Variants in GLG1 observed in about 807,000 individuals in gnomAD.
The protein encoded by GLG1 is golgi glycoprotein 1.
Under a neutral mutation model 160.5 loss-of-function variants are expected in GLG1, and 38 were observed. The observed-to-expected ratio is 0.24, with a 90% confidence interval of 0.18 to 0.31. GLG1 has a LOEUF of 0.31. Ranked by LOEUF, GLG1 falls within the 10% of genes least tolerant of loss-of-function variation. The pLI, the probability that GLG1 is intolerant of heterozygous loss-of-function variation, is 1.00. For synonymous variants in GLG1, 644 were observed against 543.4 expected (o/e 1.19, Z -2.57); for missense variants, 1,373 against 1,505.2 (o/e 0.91, Z 1.45).
rs539256669 is a variant in GLG1 at position 74,557,169 on chromosome 16, G to C, written c.439-25016C>G. The stretch of plus-strand genomic sequence containing the variant: ...GTATAAAGAGCTAAGTAAACTAGAA[G>C]AAACCCAGGACCTTTGATAAAACAG... On this transcript the variant is annotated intron_variant, in intron 1 of 25. Coordinates refer to ENST00000422840, the MANE Select transcript of GLG1 (RefSeq NM_001145667.2). Among the ~76,000 whole-genome samples the C allele has an allele frequency of 2.4e-4, 37 of 152,292 alleles. No individual in the cohort carries two copies. The South Asian group carries it at 5.6e-3, about 23-fold the overall frequency.
intron 1 of GLG1, among the ~76,000 whole-genome samples, chr16:74,593,177 T>G (rs1286204886): frequency 1.3e-5 from 2 of 152,038 alleles, no homozygotes; most frequent in African/African-American, 2.4e-5. Context: ...TATTACCCAG[T>G]CTTGGGTATT....
chr16:74,532,961 A>G (rs932151304), intron 1 of GLG1, among the ~76,000 whole-genome samples: 2 of 152,208 alleles, frequency 1.3e-5, no homozygotes, highest in African/African-American at 4.8e-5. Flanking sequence ...TTTAAAAAAA[A>G]CATTTGGAAA....
intron 1 of GLG1, among the ~76,000 whole-genome samples, chr16:74,544,251 C>T (rs919303151): frequency 1.3e-5 from 2 of 152,208 alleles, no homozygotes; most frequent in Non-Finnish European, 2.9e-5. Flanking sequence ...GATCTGGGAA[C>T]AAATTTGGGC....
chr16:74,571,389 T>C (rs2018822582), intron 1 of GLG1, among the ~76,000 whole-genome samples: 1 of 152,164 alleles, frequency 6.6e-6, no homozygotes, highest in African/African-American at 2.4e-5. Flanking sequence ...GTCATTAAGT[T>C]TGGGACCGGG....
chr16:74,589,758 A>T (rs1467142543), intron 1 of GLG1, among the ~76,000 whole-genome samples: 1 of 152,150 alleles, frequency 6.6e-6, no homozygotes, highest in Non-Finnish European at 1.5e-5. Context: ...TCTCAAGTTG[A>T]AAAGGAAAGT....
chr16:74,487,304 T>A (rs992005403), intron 8 of GLG1, among the ~76,000 whole-genome samples: 1 of 152,050 alleles, frequency 6.6e-6, no homozygotes, highest in Admixed American at 6.6e-5. Context: ...GGAACCCTGT[T>A]GTGTCACTGA....
At chr16:74,459,857 T>G in intron 22 of GLG1, 68 bp from the exon 23 acceptor site, 1 of 807,086 alleles carries the variant, frequency 1.2e-6, no homozygotes, top group African/African-American at 1.8e-5. Context: ...GTTTCTTCTT[T>G]TTTTTTTTTA....
At chr16:74,579,620 G>A (rs954527037) in intron 1 of GLG1, among the ~76,000 whole-genome samples, 1 of 151,970 alleles carries the variant, frequency 6.6e-6, no homozygotes, top group Non-Finnish European at 1.5e-5. Flanking sequence ...TACTAGGGAG[G>A]CTGAGGCAGG....
intron 1 of GLG1, among the ~76,000 whole-genome samples, chr16:74,604,379 A>G (rs1224018061): frequency 2.0e-5 from 3 of 152,224 alleles, no homozygotes; most frequent in African/African-American, 7.2e-5. Flanking sequence ...ATATGGAAAT[A>G]CGACACCATT....
intron 7 of GLG1, among the ~76,000 whole-genome samples, chr16:74,491,456 A>T (rs540469718): frequency 6.6e-6 from 1 of 152,264 alleles, no homozygotes; most frequent in Admixed American, 6.5e-5. Context: ...TACTGCACTA[A>T]TAATGCAAAT....
intron 1 of GLG1, among the ~76,000 whole-genome samples, chr16:74,574,910 A>AAAAAAAAAAAAAAAC (rs2018947041): frequency 8.0e-6 from 1 of 124,872 alleles, no homozygotes; most frequent in Non-Finnish European, 1.7e-5. Context: ...AAAAAAAAAA[A>AAAAAAAAAAAAAAAC]AAAGACAGAG....
At position 74,453,259 on chromosome 16, in the gene GLG1, C is replaced by A; in HGVS notation, c.3448G>T (p.Val1150Leu). 2 of 1,613,700 alleles carry A rather than the reference C, an allele frequency of 1.2e-6. No homozygotes were observed. The highest frequency in any genetic ancestry group is 1.1e-5 in the South Asian group (1 of 91,066). The change falls in exon 26 of 26, where the codon GTG becomes TTG. Residue 1150 changes from valine to leucine, a missense_variant. By Grantham distance (32) the Val-to-Leu change is conservative. Around this residue, in one of 4 missense-constraint regions of GLG1, gnomAD observed 491 missense variants for 632.1 expected, o/e 0.78. Coordinates refer to ENST00000422840, the MANE Select transcript of GLG1 (RefSeq NM_001145667.2). The stretch of plus-strand genomic sequence containing the variant: ...AATATACAGATGCTCCCACTGATCA[C>A]AGAGAGAATGTAGTTCTTAGATGGA... ...TSPSKNYILS[V>L]ISGSICILFL... is the part of the protein sequence containing the mutation.
At chr16:74,480,184 A>C in intron 11 of GLG1, 57 bp downstream of exon 11, 4 of 1,407,120 alleles carry the variant, frequency 2.8e-6, no homozygotes, top group Non-Finnish European at 4.0e-6. Flanking sequence ...ATATACAGCA[A>C]ACAATTTAAA....
rs1314655771 is a variant in GLG1 at position 74,462,201 on chromosome 16, T to C, written c.2935-6A>G. The C allele has an allele frequency of 5.3e-6, 8 of 1,521,816 alleles. No individual in the cohort carries two copies. Among genetic ancestry groups the C allele is most frequent in the Non-Finnish European group, 7.3e-6 (8 of 1,097,248 alleles). The allele number at this position is 1,521,816 out of a possible 1,614,324, so 94.3% of individuals were successfully genotyped here. A position where few individuals can be genotyped will look rare whatever the true frequency, so the allele number is the denominator to read the frequency against. ...TCACAGTCTGAAGACAGGCGCTGCA[T>C]GTGACAAAGGGAGGATACATGGGCT... On this transcript the variant is annotated splice_region_variant and splice_polypyrimidine_tract_variant and intron_variant, in intron 21 of 25. Transcript: ENST00000422840.
At chr16:74,468,608 C>T (rs1488542823) in intron 17 of GLG1, 2 of 233,766 alleles carry the variant, frequency 8.6e-6, no homozygotes, top group Admixed American at 4.7e-5. Flanking sequence ...CTCAAGCGAT[C>T]CACCTGCCTC....
chr16:74,468,780 A>C, intron 17 of GLG1, 166 bp downstream of exon 17: 4 of 612,562 alleles, frequency 6.5e-6, no homozygotes, highest in Non-Finnish European at 1.2e-5. Flanking sequence ...AAATCAAAAG[A>C]ATGACACAGG....
intron 15 of GLG1, among the ~76,000 whole-genome samples, chr16:74,470,899 A>T (rs1339604456): frequency 6.6e-6 from 1 of 152,164 alleles, no homozygotes; most frequent in African/African-American, 2.4e-5. Flanking sequence ...CTGGGATTAC[A>T]GGTGTGTGCC....
intron 8 of GLG1, among the ~76,000 whole-genome samples, chr16:74,486,923 T>TC (rs1470752326): frequency 3.0e-3 from 396 of 133,046 alleles, no homozygotes; most frequent in African/African-American, 7.5e-3. Flanking sequence ...TCTTTTTTTT[T>TC]TCCCCCCCGA....
chr16:74,586,618 G>T (rs907491227), intron 1 of GLG1, among the ~76,000 whole-genome samples: 1 of 152,024 alleles, frequency 6.6e-6, no homozygotes, highest in African/African-American at 2.4e-5. Context: ...GGGACTACAG[G>T]AGCCTGCCAC....
Sources: allele counts gnomAD v4.1 joint callset (sites outside exome capture counted in the v4.1 genomes callset), GRCh38; gene constraint gnomAD v4.1.1; regional missense constraint gnomAD v4.1.1; transcripts MANE v1.5; gene names NCBI Gene and HGNC (gene_info 2026-07-23, HGNC 2026-07-21).